LMOD2: variants seen among roughly 807,000 people sequenced by gnomAD.
LMOD2 encodes leiomodin 2, also known as leiomodin-2.
Under a neutral mutation model 41.7 loss-of-function variants are expected in LMOD2, and 27 were observed. That is an observed-to-expected ratio of 0.65 (90% CI 0.48 to 0.89). The LOEUF (loss-of-function observed/expected upper bound fraction) is 0.89, where lower values mean the gene tolerates loss of function less well. LMOD2 is among the 40% of genes least tolerant of loss of function. The pLI, the probability that LMOD2 is intolerant of heterozygous loss-of-function variation, is 0.00. For synonymous variants in LMOD2, 251 were observed against 244.6 expected (o/e 1.03, Z -0.25); for missense variants, 624 against 667.9 (o/e 0.93, Z 0.72).
chr7:123,662,304 AC>A lies in LMOD2; in HGVS notation c.719del (p.Thr240MetfsTer3). 6 of 1,614,002 alleles carry A rather than the reference AC, an allele frequency of 3.7e-6. No individual in the cohort carries two copies. Among genetic ancestry groups the A allele is most frequent in the Non-Finnish European group, 5.1e-6 (6 of 1,179,888 alleles). On this transcript the variant is annotated frameshift_variant, in exon 2 of 3. Transcript: ENST00000458573. LOFTEE classifies it high-confidence loss of function. The surrounding 1 kb of genome is among the most constrained non-coding windows in gnomAD (Gnocchi z 4.0). ...TRFAEALKDN[T>X]VVKTFSLANT... ...CTTTGCTGAAGCCCTCAAGGACAAC[AC>A]TGTGGTGAAGACGTTCAGTCTGGCC... is the stretch of plus-strand genomic sequence containing the variant.
At chr7:123,661,198 C>G (rs1802869901) in intron 1 of LMOD2, among the ~76,000 whole-genome samples, 1 of 152,168 alleles carries the variant, frequency 6.6e-6, no homozygotes. Context: ...TCAGGTGATT[C>G]AGAGAGTCTT....
Position 123,663,754 on chromosome 7 carries a change from T to A in LMOD2, c.*9T>A. On this transcript the variant is annotated 3_prime_UTR_variant, in exon 3 of 3. Transcript: ENST00000458573. Reference sequence around the variant, plus strand: ...CAGAAGCCCTGCGATAAAAACATGATCTTTAGAAGAGGATGCAGAACTGTT... The same window carrying A: ...CAGAAGCCCTGCGATAAAAACATGAACTTTAGAAGAGGATGCAGAACTGTT... 1 of 1,573,706 alleles carries A rather than the reference T, an allele frequency of 6.4e-7. No individual in the cohort carries two copies. The highest frequency in any genetic ancestry group is 8.6e-7 in the Non-Finnish European group (1 of 1,157,304).
Position 123,662,080 on chromosome 7 carries a change from T to C in LMOD2, c.494T>C (p.Ile165Thr). Residue 165 changes from isoleucine to threonine, a missense_variant, in exon 2 of 3, where the codon ATA (isoleucine) becomes ACA (threonine). Physicochemically the swap from Ile to Thr is moderately conservative, Grantham distance 89. Coordinates refer to ENST00000458573, the MANE Select transcript of LMOD2 (RefSeq NM_207163.3). This position sits in a 1 kb window ranked among gnomAD's most constrained non-coding sequence, Gnocchi z 4.0. ...AATTCTGACAACTCTAAGCCAAAGA[T>C]ATTTAAAAGTCAAATAGAGAACATA... ...SVNSDNSKPKIFKSQIENINL... is the reference protein window; with the variant it reads ...SVNSDNSKPKTFKSQIENINL... 3 of 1,607,898 alleles carry C rather than the reference T, an allele frequency of 1.9e-6. No homozygotes were observed. Among genetic ancestry groups the C allele is most frequent in the Middle Eastern group, 1.7e-4 (1 of 6,056 alleles).
rs780811190 is a variant in LMOD2 at position 123,656,247 on chromosome 7, G to A, written c.273+11G>A. The stretch of plus-strand genomic sequence containing the variant: ...GGGGAATGTGGAAAGGTAGGCTCTC[G>A]GGACTTTTCCTTGGCTAACCCCACC... On this transcript the variant is annotated intron_variant, in intron 1 of 2. Coordinates refer to ENST00000458573, the MANE Select transcript of LMOD2 (RefSeq NM_207163.3). 93 of 1,595,114 alleles carry A rather than the reference G, an allele frequency of 5.8e-5. No individual in the cohort carries two copies. The Middle Eastern group carries it at 6.4e-4, about 11-fold the overall frequency.
chr7:123,662,162 T>C lies in LMOD2; in HGVS notation c.576T>C (p.Pro192=), dbSNP rs1802887307. The change falls in exon 2 of 3, where the codon CCT becomes CCC. Residue 192 remains proline, a synonymous_variant. Coordinates refer to ENST00000458573, the MANE Select transcript of LMOD2 (RefSeq NM_207163.3). The surrounding 1 kb of genome is among the most constrained non-coding windows in gnomAD (Gnocchi z 4.0). ...RNTESPAAIH[P]CGNPTVIEDA... ...CAGAGTCCCCAGCTGCCATTCACCCTTGTGGAAATCCTACAGTGATTGAGG... is the reference window on the plus strand; with the variant it reads ...CAGAGTCCCCAGCTGCCATTCACCCCTGTGGAAATCCTACAGTGATTGAGG... 2.5e-6 allele frequency: 4 copies of C among 1,613,868 alleles called. No homozygotes were observed. Among genetic ancestry groups the C allele is most frequent in the East Asian group, 2.2e-5 (1 of 44,872 alleles).
Position 123,662,997 on chromosome 7 carries a change from C to A in LMOD2, c.1411C>A (p.Arg471=), listed in dbSNP as rs763740231. 2.6e-6 allele frequency: 4 copies of A among 1,552,140 alleles called. No individual in the cohort carries two copies. Among genetic ancestry groups the A allele is most frequent in the Non-Finnish European group, 3.5e-6 (4 of 1,147,588 alleles). The change falls in exon 2 of 3, where the codon CGG becomes AGG. Residue 471 remains arginine, a synonymous_variant. Coordinates refer to ENST00000458573, the MANE Select transcript of LMOD2 (RefSeq NM_207163.3). The surrounding 1 kb of genome is among the most constrained non-coding windows in gnomAD (Gnocchi z 4.0). ...CATCAAACAACAGGAGAGTGCCCAA[C>A]GGGCATTACAAAATGGACAAAAAAA... ...EVIKQQESAQ[R]ALQNGQKKKK... is the part of the protein sequence containing the mutation.
In LMOD2 at chr7:123,661,753, T is replaced by A. The variant is rs10249257; in HGVS notation, c.274-107T>A. 79,336 of 697,618 alleles carry A rather than the reference T, an allele frequency of 0.11. 5,680 individuals carry two copies. The highest frequency in any genetic ancestry group is 0.22 in the African/African-American group (12,251 of 55,264). The allele number at this position is 697,618 out of a possible 1,614,324, so 43.2% of individuals were successfully genotyped here. ...GAAGCAGAGGATTATTAACTTTTTT[T>A]ATTATAAACTTATGTCACTTGCCAT... On this transcript the variant is annotated intron_variant, in intron 1 of 2. Coordinates refer to ENST00000458573, the MANE Select transcript of LMOD2 (RefSeq NM_207163.3).
rs1453358658 is a variant in LMOD2 at position 123,661,819 on chromosome 7, A to T, written c.274-41A>T. 3 of 1,301,150 alleles carry T rather than the reference A, an allele frequency of 2.3e-6. No homozygotes were observed. The East Asian group carries it at 7.7e-5, about 33-fold the overall frequency. The allele number at this position is 1,301,150 out of a possible 1,614,324, so 80.6% of individuals were successfully genotyped here. A position where few individuals can be genotyped will look rare whatever the true frequency, so the allele number is the denominator to read the frequency against. Reference sequence around the variant, plus strand: ...GTTAAAAAATGTACTTAAAAATGGTATCATTTTTAAGAAGCTTAATGATGA... The same window carrying T: ...GTTAAAAAATGTACTTAAAAATGGTTTCATTTTTAAGAAGCTTAATGATGA... On this transcript the variant is annotated intron_variant, in intron 1 of 2. Transcript: ENST00000458573.
chr7:123,661,571 GATTT>G, intron 1 of LMOD2, among the ~76,000 whole-genome samples: 1 of 152,220 alleles, frequency 6.6e-6, no homozygotes, highest in Non-Finnish European at 1.5e-5. Flanking sequence ...CTGAAGTTCT[GATTT>G]ATTTGTTCAA....
chr7:123,662,960 C>T lies in LMOD2; in HGVS notation c.1374C>T (p.Asn458=), dbSNP rs1176310965. 9 of 1,551,148 alleles carry T rather than the reference C, an allele frequency of 5.8e-6. No homozygotes were observed. The highest frequency in any genetic ancestry group is 2.4e-5 in the East Asian group (1 of 40,820). Reference sequence around the variant, plus strand: ...CAGAGAAAAAGCTCATTACCAGAAACATTGCAGAAGTCATCAAACAACAGG... The same window carrying T: ...CAGAGAAAAAGCTCATTACCAGAAATATTGCAGAAGTCATCAAACAACAGG... ...PLPEKKLITR[N]IAEVIKQQES... is the part of the protein sequence containing the mutation. Residue 458 remains asparagine (N), a synonymous_variant, in exon 2 of 3, where the codon AAC becomes AAT. Coordinates refer to ENST00000458573, the MANE Select transcript of LMOD2 (RefSeq NM_207163.3). This position sits in a 1 kb window ranked among gnomAD's most constrained non-coding sequence, Gnocchi z 4.0.
Position 123,662,904 on chromosome 7 carries a change from C to T in LMOD2, c.1318C>T (p.Pro440Ser). ...CCCTCCTTCTTCCCAAAGGCTGCCA[C>T]CACCTCCTCCTCCTCCCCCTCCTCC... ...PPPPSSQRLP[P>S]PPPPPPPPLP... Residue 440 changes from proline to serine, a missense_variant, in exon 2 of 3, where the codon CCA becomes TCA. Coordinates refer to ENST00000458573, the MANE Select transcript of LMOD2 (RefSeq NM_207163.3). The surrounding 1 kb of genome is among the most constrained non-coding windows in gnomAD (Gnocchi z 4.0). 1.9e-6 allele frequency: 3 copies of T among 1,545,108 alleles called. No homozygotes were observed. Among genetic ancestry groups the T allele is most frequent in the Non-Finnish European group, 2.6e-6 (3 of 1,143,630 alleles).
At chr7:123,661,762 CTT>C in intron 1 of LMOD2, 96 bp from the exon 2 acceptor site, 3 of 744,958 alleles carry the variant, frequency 4.0e-6, no homozygotes, top group Non-Finnish European at 6.4e-6. Flanking sequence ...TTATTATAAA[CTT>C]ATGTCACTTG....
chr7:123,664,138 T>C lies in LMOD2; in HGVS notation c.*393T>C. The stretch of plus-strand genomic sequence containing the variant: ...ATTTTTCTGTGACTTGATACATCTG[T>C]CAGATTTTTGTAATCTCGATAAATG... On this transcript the variant is annotated 3_prime_UTR_variant, in exon 3 of 3. Transcript: ENST00000458573. 5.7e-6 allele frequency: 1 copy of C among 175,776 alleles called. No homozygotes were observed. Among genetic ancestry groups the C allele is most frequent in the Middle Eastern group, 2.7e-3 (1 of 368 alleles). The allele number at this position is 175,776 out of a possible 1,614,324, so 10.9% of individuals were successfully genotyped here. A position where few individuals can be genotyped will look rare whatever the true frequency, so the allele number is the denominator to read the frequency against.
At chr7:123,663,553 G>C (rs373601071) in intron 2 of LMOD2, 166 bp from the exon 3 acceptor site, 1 of 650,518 alleles carries the variant, frequency 1.5e-6, no homozygotes, top group Non-Finnish European at 2.7e-6. Flanking sequence ...TGACTGATTC[G>C]ATACCTAATT....
chr7:123,657,750 G>C (rs1392886576), intron 1 of LMOD2, among the ~76,000 whole-genome samples: 1 of 132,544 alleles, frequency 7.5e-6, no homozygotes, highest in Non-Finnish European at 1.5e-5. Context: ...TGAGGCAGGA[G>C]AATCACTTGA....
At chr7:123,659,581 C>T (rs1802841930) in intron 1 of LMOD2, among the ~76,000 whole-genome samples, 1 of 152,214 alleles carries the variant, frequency 6.6e-6, no homozygotes, top group Admixed American at 6.5e-5. Flanking sequence ...CTCTCAGCTG[C>T]TGTTAACCAA....
chr7:123,662,227 C>A lies in LMOD2; in HGVS notation c.641C>A (p.Thr214Lys). 1 of 1,614,002 alleles carries A rather than the reference C, an allele frequency of 6.2e-7. No individual in the cohort carries two copies. The highest frequency in any genetic ancestry group is 8.5e-7 in the Non-Finnish European group (1 of 1,179,906). The change falls in exon 2 of 3, where the codon ACA becomes AAA. Residue 214 changes from threonine to lysine, a missense_variant. Thr to Lys is a moderately conservative substitution (Grantham distance 78). Coordinates refer to ENST00000458573, the MANE Select transcript of LMOD2 (RefSeq NM_207163.3). This position sits in a 1 kb window ranked among gnomAD's most constrained non-coding sequence, Gnocchi z 4.0. ...ATTAAAAGCAATGACCCTGACACCACAGAAGTCAATTTGAACAACATTGAG... is the reference window on the plus strand; with the variant it reads ...ATTAAAAGCAATGACCCTGACACCAAAGAAGTCAATTTGAACAACATTGAG... Reference protein sequence around the residue: ...DKIKSNDPDTTEVNLNNIENI... With the variant: ...DKIKSNDPDTKEVNLNNIENI...
chr7:123,660,193 C>T (rs1181381766), intron 1 of LMOD2, among the ~76,000 whole-genome samples: 1 of 152,158 alleles, frequency 6.6e-6, no homozygotes, highest in African/African-American at 2.4e-5. Flanking sequence ...TCTTCCCTCA[C>T]GTATGCCTGG....
intron 1 of LMOD2, among the ~76,000 whole-genome samples, chr7:123,656,898 A>G (rs1026947837): frequency 1.3e-5 from 2 of 152,156 alleles, no homozygotes; most frequent in African/African-American, 4.8e-5. Flanking sequence ...CCCCTTTGAG[A>G]TTTTGATAAG....
Sources: gnomAD v4.1 joint callset for allele counts (sites outside exome capture counted in the v4.1 genomes callset) on GRCh38, gnomAD v4.1.1 for gene constraint, Gnocchi (gnomAD v3.1) non-coding constraint, MANE v1.5 for transcripts, NCBI Gene and HGNC (gene_info 2026-07-23, HGNC 2026-07-21) for gene names.